Variants in CPD observed in about 807,000 individuals in gnomAD.
CPD encodes the protein carboxypeptidase D.
Under a neutral mutation model 138.3 loss-of-function variants are expected in CPD, and 69 were observed. The observed-to-expected ratio is 0.50, with a 90% CI of 0.41 to 0.61. The LOEUF (loss-of-function observed/expected upper bound fraction) is 0.61, where lower values mean the gene tolerates loss of function less well. Among genes scored for constraint, CPD ranks in the 20% least tolerant of loss-of-function variants. The pLI is 0.00. For missense variants in CPD, 1,432 were observed against 1,733.3 expected, an observed-to-expected ratio of 0.83 and a Z score of 3.09; for synonymous variants, 651 against 642.1, an observed-to-expected ratio of 1.01 and a Z score of -0.21.
At chr17:30,456,561 T>G in intron 17 of CPD, 35 bp downstream of exon 17, 1 of 1,601,100 alleles carries the variant, frequency 6.2e-7, no homozygotes, top group Non-Finnish European at 8.6e-7. Context: ...AATGGAGTTA[T>G]GGCCAGGCAC....
At chr17:30,408,168 A>G (rs182069360) in intron 2 of CPD, among the ~76,000 whole-genome samples, 24 of 147,812 alleles carry the variant, frequency 1.6e-4, no homozygotes, top group Admixed American at 6.0e-4. Flanking sequence ...TCTGTTCTGT[A>G]TCTGTTTTGG....
At position 30,442,380 on chromosome 17, in the gene CPD, ATC is replaced by A; in HGVS notation, c.2304_2305del (p.Pro769ThrfsTer2). On this transcript the variant is annotated frameshift_variant, in exon 10 of 21. Transcript: ENST00000225719. LOFTEE classifies it high-confidence loss of function. ...ACTATTGAACTAGGTTGTGTGAAAT[ATC>A]CACTTGAGAAAGAGCTGCCAAACTT... 1 of 1,613,528 alleles carries A rather than the reference ATC, an allele frequency of 6.2e-7. No individual in the cohort carries two copies. Among genetic ancestry groups the A allele is most frequent in the Non-Finnish European group, 8.5e-7 (1 of 1,179,606 alleles).
In CPD at chr17:30,451,476, C is replaced by T. The variant is rs1913164113; in HGVS notation, c.3070-235C>T. On this transcript the variant is annotated intron_variant, in intron 13 of 20. Coordinates refer to ENST00000225719, the MANE Select transcript of CPD (RefSeq NM_001304.5). ...GGCCTGCTGTTAGTGGTTTCTCACC[C>T]CTGTTCTAAGTCACTGGAAGGTCTC... Among the ~76,000 whole-genome samples, 3 of 152,134 alleles carry T rather than the reference C, an allele frequency of 2.0e-5. No homozygotes were observed. The South Asian group carries it at 6.2e-4, about 31-fold the overall frequency.
intron 1 of CPD, among the ~76,000 whole-genome samples, chr17:30,381,302 A>G (rs1238854412): frequency 6.6e-6 from 1 of 152,202 alleles, no homozygotes; most frequent in East Asian, 1.9e-4. Context: ...AATGTTTAAA[A>G]TGCTCTGTCC....
At position 30,465,935 on chromosome 17, in the gene CPD, A is replaced by G. The variant is rs1913624752; in HGVS notation, c.*1121A>G. The G allele has an allele frequency of 6.6e-6, 1 of 152,410 alleles. No individual in the cohort carries two copies. The highest frequency in any genetic ancestry group is 1.5e-5 in the Non-Finnish European group (1 of 68,010). The allele number at this position is 152,410 out of a possible 1,614,324, so 9.4% of individuals were successfully genotyped here. On this transcript the variant is annotated 3_prime_UTR_variant, in exon 21 of 21. Coordinates refer to ENST00000225719, the MANE Select transcript of CPD (RefSeq NM_001304.5). Reference sequence around the variant, plus strand: ...GGGAGTGATTTGGTTCTTTGCCCTAATGTTTCATTTGACGGTCTCTTTTTG... The same window carrying G: ...GGGAGTGATTTGGTTCTTTGCCCTAGTGTTTCATTTGACGGTCTCTTTTTG...
chr17:30,464,734 T>G lies in CPD; in HGVS notation c.4063T>G (p.Ser1355Ala), dbSNP rs1390503797. 1 of 1,613,836 alleles carries G rather than the reference T, an allele frequency of 6.2e-7. No individual in the cohort carries two copies. The highest frequency in any genetic ancestry group is 2.2e-5 in the East Asian group (1 of 44,886). Residue 1355 changes from serine (S) to alanine (A), a missense_variant, in exon 21 of 21, where the codon TCC becomes GCC. By Grantham distance (99) the Ser-to-Ala change is moderately conservative. Around this residue, in one of 6 missense-constraint regions of CPD, gnomAD observed 366 missense variants for 518.8 expected, o/e 0.71. Transcript: ENST00000225719. ...TGAAATTCGCATGATGTCTACCGGC[T>G]CCAAGAAGTCCCTCCTAAGCCATGA... ...EDEIRMMSTGSKKSLLSHEFQ... is the reference protein window; with the variant it reads ...EDEIRMMSTGAKKSLLSHEFQ...
chr17:30,428,826 T>C (rs185206337), intron 7 of CPD, among the ~76,000 whole-genome samples: 1 of 150,874 alleles, frequency 6.6e-6, no homozygotes, highest in Non-Finnish European at 1.5e-5. Flanking sequence ...CCTGTGAATA[T>C]AAACAACTTT....
chr17:30,463,518 G>A (rs1913550168), intron 20 of CPD, among the ~76,000 whole-genome samples: 1 of 152,162 alleles, frequency 6.6e-6, no homozygotes, highest in Admixed American at 6.5e-5. Context: ...AAGAGGAAAT[G>A]TTTGTTTACG....
chr17:30,380,716 C>G (rs537816344), intron 1 of CPD: 1 of 1,025,224 alleles, frequency 9.8e-7, no homozygotes, highest in Non-Finnish European at 1.4e-6. Context: ...TGCAATAACA[C>G]GGACCATCTC....
chr17:30,396,323 G>T (rs1004840310), intron 2 of CPD, among the ~76,000 whole-genome samples: 1 of 151,982 alleles, frequency 6.6e-6, no homozygotes, highest in Non-Finnish European at 1.5e-5. Context: ...AAGATTAATA[G>T]GGTTCTTGTG....
At position 30,379,280 on chromosome 17, in the gene CPD, C is replaced by T. The variant is rs1910974454; in HGVS notation, c.300C>T (p.Thr100=). Residue 100 remains threonine (T), a synonymous_variant, in exon 1 of 21, where the codon ACC becomes ACT. Transcript: ENST00000225719. This position sits in a 1 kb window ranked among gnomAD's most constrained non-coding sequence, Gnocchi z 7.0. ...EGRPLWVLRL[T]AGLGSLIPEG... ...GGCCGCTGTGGGTGCTTCGCCTCACCGCCGGCCTGGGGTCGCTAATCCCTG... is the reference window on the plus strand; with the variant it reads ...GGCCGCTGTGGGTGCTTCGCCTCACTGCCGGCCTGGGGTCGCTAATCCCTG... The T allele has an allele frequency of 6.6e-7, 1 of 1,510,570 alleles. No individual in the cohort carries two copies. Among genetic ancestry groups the T allele is most frequent in the Non-Finnish European group, 8.8e-7 (1 of 1,136,106 alleles). 93.6% of individuals were successfully genotyped at this position (1,510,570 alleles called of 1,614,324 possible).
At chr17:30,388,190 C>T (rs1437608587) in intron 2 of CPD, among the ~76,000 whole-genome samples, 1 of 152,112 alleles carries the variant, frequency 6.6e-6, no homozygotes, top group Non-Finnish European at 1.5e-5. Context: ...AAGTGTATGC[C>T]GATTGGTTCA....
At chr17:30,382,017 C>T (rs1292584729) in intron 1 of CPD, among the ~76,000 whole-genome samples, 1 of 152,078 alleles carries the variant, frequency 6.6e-6, no homozygotes, top group African/African-American at 2.4e-5. Context: ...TAGTTGACTC[C>T]TATTTTTTTA....
chr17:30,467,079 G>A lies in CPD; in HGVS notation c.*2265G>A, dbSNP rs1455178259. On this transcript the variant is annotated 3_prime_UTR_variant, in exon 21 of 21. Coordinates refer to ENST00000225719, the MANE Select transcript of CPD (RefSeq NM_001304.5). The stretch of plus-strand genomic sequence containing the variant: ...CAGCCCTGCCCTGTCTTTTATTTGC[G>A]GGTCTAATCTAATATTAGAATATAT... 2.6e-5 allele frequency: 4 copies of A among 152,442 alleles called. No individual in the cohort carries two copies. Among genetic ancestry groups the A allele is most frequent in the Non-Finnish European group, 5.9e-5 (4 of 67,988 alleles). 9.4% of individuals were successfully genotyped at this position (152,442 alleles called of 1,614,324 possible).
intron 2 of CPD, among the ~76,000 whole-genome samples, chr17:30,409,507 A>G (rs1222525679): frequency 1.3e-5 from 2 of 151,908 alleles, no homozygotes; most frequent in Admixed American, 6.6e-5. Context: ...TTTGGTTGGT[A>G]GGCTATTATT....
intron 2 of CPD, among the ~76,000 whole-genome samples, chr17:30,418,318 T>A (rs893981261): frequency 4.6e-5 from 7 of 152,088 alleles, no homozygotes; most frequent in Admixed American, 6.5e-5. Context: ...GTAGCTATGA[T>A]GACAGGCATG....
chr17:30,420,282 T>C (rs1199042604), intron 2 of CPD, among the ~76,000 whole-genome samples: 1 of 152,242 alleles, frequency 6.6e-6, no homozygotes, highest in African/African-American at 2.4e-5. Context: ...ACAGTTTTTC[T>C]TTTTGCTCTT....
At chr17:30,444,679 A>G (rs767688008) in intron 11 of CPD, among the ~76,000 whole-genome samples, 1 of 151,902 alleles carries the variant, frequency 6.6e-6, no homozygotes, top group Non-Finnish European at 1.5e-5. Flanking sequence ...GTGTGCCACC[A>G]CACCCGACTA....
At chr17:30,397,737 C>CAA (rs71138885) in intron 2 of CPD, among the ~76,000 whole-genome samples, 323 of 31,462 alleles carry the variant, frequency 0.01, 3 homozygotes, top group Middle Eastern at 0.045. Context: ...ACTCCTGTCT[C>CAA]AAAAAAAAAA....
Sources: gnomAD v4.1 joint callset for allele counts (sites outside exome capture counted in the v4.1 genomes callset) on GRCh38, gnomAD v4.1.1 for gene constraint, gnomAD v4.1.1 regional missense constraint, Gnocchi (gnomAD v3.1) non-coding constraint, MANE v1.5 for transcripts, NCBI Gene and HGNC (gene_info 2026-07-23, HGNC 2026-07-21) for gene names.